Variants in PDE6A observed in about 807,000 individuals in gnomAD.
The protein encoded by PDE6A is rod cGMP-specific 3',5'-cyclic phosphodiesterase subunit alpha.
PDE6A carries 84 observed loss-of-function variants against 106.3 expected under a neutral mutation model. The ratio of observed to expected loss-of-function variants is 0.79; its 90% confidence interval spans 0.66 to 0.95. The LOEUF (loss-of-function observed/expected upper bound fraction) is 0.95. Among genes scored for constraint, PDE6A ranks in the 40% least tolerant of loss-of-function variants. The pLI, the probability that PDE6A is intolerant of heterozygous loss-of-function variation, is 0.00. For synonymous variants in PDE6A, 394 were observed against 386.6 expected (o/e 1.02, Z -0.23); for missense variants, 1,052 against 1,084.9 (o/e 0.97, Z 0.43).
At chr5:149,926,227 GT>G (rs1389930866) in intron 4 of PDE6A, among the ~76,000 whole-genome samples, 1 of 151,874 alleles carries the variant, frequency 6.6e-6, no homozygotes, top group Non-Finnish European at 1.5e-5. Context: ...GGGCAAAAGA[GT>G]GAGATATCTG....
At chr5:149,940,361 C>A (rs1377984545) in intron 1 of PDE6A, among the ~76,000 whole-genome samples, 1 of 152,178 alleles carries the variant, frequency 6.6e-6, no homozygotes, top group African/African-American at 2.4e-5. Context: ...GAGTGGAGAA[C>A]CATTGCCCGG....
At chr5:149,926,979 C>CAAAA (rs539891462) in intron 4 of PDE6A, among the ~76,000 whole-genome samples, 10 of 70,444 alleles carry the variant, frequency 1.4e-4, no homozygotes, top group East Asian at 1.2e-3. Context: ...ACTCCGTCTC[C>CAAAA]AAAAAAAAAA....
chr5:149,886,184 G>A, intron 14 of PDE6A, 81 bp downstream of exon 14: 1 of 1,026,122 alleles, frequency 9.7e-7, no homozygotes, highest in Non-Finnish European at 1.5e-6. Flanking sequence ...CTTCCCTGTT[G>A]GCCAGTGAGT....
At chr5:149,931,362 T>C (rs1173670560) in intron 3 of PDE6A, among the ~76,000 whole-genome samples, 194 bp from the exon 4 acceptor site, 2 of 152,138 alleles carry the variant, frequency 1.3e-5, no homozygotes, top group Non-Finnish European at 2.9e-5. Flanking sequence ...TAATTTTTTT[T>C]TTTGCTTTGG....
intron 5 of PDE6A, 122 bp from the exon 6 acceptor site, chr5:149,915,129 C>A (rs573779146): frequency 7.6e-5 from 47 of 615,554 alleles, no homozygotes; most frequent in Non-Finnish European, 2.9e-5. Context: ...CCATCTCCTG[C>A]GTTCAAGCTA....
rs578081324 is a variant in PDE6A, at chr5:149,861,777, AAAG to A, written c.2507-809_2507-807del. Among the ~76,000 whole-genome samples, 55 of 152,334 alleles carry A rather than the reference AAAG, an allele frequency of 3.6e-4. No homozygotes were observed. The East Asian group carries it at 6.4e-3, about 18-fold the overall frequency. Reference sequence around the variant, plus strand: ...ACTGATTCTCTAGCTATAAGAAAAAAAAGAAGGAGAAAAAAATGTAAGCCAAAT... The same window carrying A: ...ACTGATTCTCTAGCTATAAGAAAAAAAAGGAGAAAAAAATGTAAGCCAAAT... On this transcript the variant is annotated intron_variant, in intron 21 of 21. Coordinates refer to ENST00000255266, the MANE Select transcript of PDE6A (RefSeq NM_000440.3).
At chr5:149,898,171 C>T (rs1251985774) in intron 10 of PDE6A, among the ~76,000 whole-genome samples, 192 bp downstream of exon 10, 1 of 152,204 alleles carries the variant, frequency 6.6e-6, no homozygotes, top group Non-Finnish European at 1.5e-5. Context: ...TCTGCTCATG[C>T]ACTCATTCAT....
chr5:149,927,132 C>G (rs1366248132), intron 4 of PDE6A, among the ~76,000 whole-genome samples: 2 of 152,072 alleles, frequency 1.3e-5, no homozygotes, highest in Non-Finnish European at 2.9e-5. Context: ...AGTGCACTTG[C>G]ATTACTCCAG....
intron 6 of PDE6A, 136 bp from the exon 7 acceptor site, chr5:149,907,514 C>A: frequency 1.4e-6 from 1 of 705,864 alleles, no homozygotes; most frequent in South Asian, 1.5e-5. Context: ...CCTGACCAAA[C>A]CCAAAATGTT....
chr5:149,884,196 A>AT (rs202180019), intron 16 of PDE6A, among the ~76,000 whole-genome samples: 2,946 of 144,500 alleles, frequency 0.02, 61 homozygotes, highest in Middle Eastern at 0.058. Context: ...AAGAAAAAAA[A>AT]AAAATATATA....
chr5:149,884,971 C>A, intron 14 of PDE6A, 104 bp from the exon 15 acceptor site: 1 of 939,556 alleles, frequency 1.1e-6, no homozygotes, highest in South Asian at 1.3e-5. Flanking sequence ...CAAGTGATTC[C>A]GAGTTACTTT....
chr5:149,876,780 C>G (rs1581158623), intron 17 of PDE6A, among the ~76,000 whole-genome samples: 1 of 152,168 alleles, frequency 6.6e-6, no homozygotes, highest in South Asian at 2.1e-4. Flanking sequence ...ATGCCCAGTT[C>G]CTATTTTTAA....
chr5:149,868,052 A>G, intron 18 of PDE6A, 43 bp downstream of exon 18: 1 of 1,581,722 alleles, frequency 6.3e-7, no homozygotes, highest in Non-Finnish European at 8.7e-7. Flanking sequence ...TGATGCCCCC[A>G]GTACTGGGAT....
chr5:149,910,445 A>C (rs1447179678), intron 6 of PDE6A, among the ~76,000 whole-genome samples: 1 of 152,206 alleles, frequency 6.6e-6, no homozygotes, highest in Non-Finnish European at 1.5e-5. Context: ...TATCACTTGT[A>C]ATTTTTACTT....
At position 149,916,266 on chromosome 5, in the gene PDE6A, C is replaced by T. The variant is rs527787141; in HGVS notation, c.934-1259G>A. Among the ~76,000 whole-genome samples, 3 of 152,292 alleles carry T rather than the reference C, an allele frequency of 2.0e-5. No homozygotes were observed. In the South Asian group the frequency reaches 6.2e-4, roughly 32 times the overall value. ...CCCCAAAACATTAAATATAGAGATT[C>T]GTCTCTGCGTTTTAATTTTGACTTT... On this transcript the variant is annotated intron_variant, in intron 5 of 21. Transcript: ENST00000255266.
chr5:149,927,762 G>A (rs927379922), intron 4 of PDE6A, among the ~76,000 whole-genome samples: 1 of 150,390 alleles, frequency 6.6e-6, no homozygotes, highest in South Asian at 2.1e-4. Flanking sequence ...TTATGTCTTT[G>A]GTGCTTGAAT....
Position 149,896,460 on chromosome 5 carries a change from A to C in PDE6A, c.1516T>G (p.Phe506Val). The C allele has an allele frequency of 6.2e-7, 1 of 1,614,056 alleles. No individual in the cohort carries two copies. Among genetic ancestry groups the C allele is most frequent in the Non-Finnish European group, 8.5e-7 (1 of 1,179,992 alleles). The part of the protein sequence containing the change: ...PDADKYEINK[F>V]HFSDLPLTEL... ...GTTAGGGGTAAGTCACTGAAGTGAA[A>C]TTTATTAATTTCGTATTTATCTGCA... Residue 506 changes from phenylalanine (F) to valine (V), a missense_variant, in exon 12 of 22, where the codon TTT becomes GTT. Phe to Val is a conservative substitution (Grantham distance 50). Around this residue, in one of 3 missense-constraint regions of PDE6A, gnomAD observed 913 missense variants for 915.2 expected, o/e 1.00. Transcript: ENST00000255266.
chr5:149,940,820 C>T (rs911478710), intron 1 of PDE6A, among the ~76,000 whole-genome samples: 12 of 152,184 alleles, frequency 7.9e-5, no homozygotes, highest in African/African-American at 2.9e-4. Context: ...TTCTTGCATT[C>T]ATGCATGTGG....
rs1447761307 is a variant in PDE6A at position 149,944,457 on chromosome 5, G to A, written c.217C>T (p.Gln73Ter). 2.5e-6 allele frequency: 4 copies of A among 1,614,008 alleles called. No individual in the cohort carries two copies. Among genetic ancestry groups the A allele is most frequent in the East Asian group, 2.2e-5 (1 of 44,896 alleles). Reference sequence around the variant, plus strand: ...ACATTGAAGATGCATTTCTCTGTCTGTAAATTCTCCTGAAAGTCCCGCAGG... The same window carrying A: ...ACATTGAAGATGCATTTCTCTGTCTATAAATTCTCCTGAAAGTCCCGCAGG... The part of the protein sequence containing the change: ...DLLRDFQENL[Q>*]TEKCIFNVMK... Residue 73 changes from glutamine (Q) to a stop codon, truncating the protein, a stop_gained, in exon 1 of 22, where the codon CAG becomes TAG. Transcript: ENST00000255266. LOFTEE classifies it high-confidence loss of function.
Sources: allele counts gnomAD v4.1 joint callset (sites outside exome capture counted in the v4.1 genomes callset), GRCh38; gene constraint gnomAD v4.1.1; regional missense constraint gnomAD v4.1.1; transcripts MANE v1.5; gene names NCBI Gene and HGNC (gene_info 2026-07-23, HGNC 2026-07-21).